NEB: variants seen among roughly 807,000 people sequenced by gnomAD.
NEB encodes the protein nemaline myopathy type 2.
In NEB, 512 loss-of-function variants were observed where a neutral mutation model predicts 952.2. The observed-to-expected ratio is 0.54, with a 90% confidence interval of 0.50 to 0.58. NEB has a LOEUF of 0.58. Among genes scored for constraint, NEB ranks in the 20% least tolerant of loss-of-function variants. The pLI is 0.00. For missense variants in NEB, 8,428 were observed against 9,231.1 expected (o/e 0.91, Z 3.56); for synonymous variants, 2,900 against 3,149.8 (o/e 0.92, Z 2.66).
At chr2:151,548,250 A>T in intron 131 of NEB, 58 bp downstream of exon 131, 1 of 1,386,234 alleles carries the variant, frequency 7.2e-7, no homozygotes, top group Non-Finnish European at 1.0e-6. Flanking sequence ...ATGCATTTCA[A>T]ACAAAGCCAT....
chr2:151,518,838 A>G, intron 155 of NEB, 127 bp downstream of exon 155: 1 of 647,660 alleles, frequency 1.5e-6, no homozygotes, highest in Non-Finnish European at 2.8e-6. Context: ...GAATACACTC[A>G]AATGAGAACA....
chr2:151,526,957 G>A lies in NEB; in HGVS notation c.21906C>T (p.Asn7302=), dbSNP rs757845188. 1.3e-5 allele frequency: 21 copies of A among 1,603,880 alleles called. No homozygotes were observed. In the Middle Eastern group the frequency reaches 8.2e-4, roughly 63 times the overall value. ...GCKLSVTDDK[N]TVLALRNTLI... is the part of the protein sequence containing the mutation. ...AAGTATTCCTGAGGGCGAGCACCGT[G>A]TTTTTGTCATCAGTGACAGAAAGCT... Residue 7302 remains asparagine, a synonymous_variant, in exon 148 of 182, where the codon AAC becomes AAT. Transcript: ENST00000397345.
At chr2:151,635,633 G>C (rs937927138) in intron 64 of NEB, among the ~76,000 whole-genome samples, 3 of 151,446 alleles carry the variant, frequency 2.0e-5, no homozygotes, top group African/African-American at 4.9e-5. Context: ...TTGACCCCAG[G>C]GGGCAGAGGT....
chr2:151,650,995 C>G, intron 52 of NEB, 110 bp from the exon 53 acceptor site: 1 of 1,119,762 alleles, frequency 8.9e-7, no homozygotes, highest in Non-Finnish European at 1.2e-6. Flanking sequence ...GTCTATGTTT[C>G]CCAGGCTGGT....
Position 151,655,335 on chromosome 2 carries a change from T to A in NEB, c.6742A>T (p.Ile2248Phe), listed in dbSNP as rs757306687. 6.2e-7 allele frequency: 1 copy of A among 1,602,088 alleles called. No individual in the cohort carries two copies. Among genetic ancestry groups the A allele is most frequent in the Non-Finnish European group, 8.5e-7 (1 of 1,171,834 alleles). ...TCTGGTGTATCAGGCATCACATGAA[T>A]CTTGGTCTTATCTTTATTCCAATCA... is the stretch of plus-strand genomic sequence containing the variant. ...TIDWNKDKTK[I>F]HVMPDTPDIL... The change falls in exon 51 of 182, where the codon ATT becomes TTT. Residue 2248 changes from isoleucine (I) to phenylalanine (F), a missense_variant. Transcript: ENST00000397345.
chr2:151,648,126 GCA>G (rs1228038465), intron 54 of NEB, among the ~76,000 whole-genome samples: 1 of 152,130 alleles, frequency 6.6e-6, no homozygotes, highest in Admixed American at 6.5e-5. Flanking sequence ...GTATATGTAT[GCA>G]CACACACATA....
In NEB at chr2:151,554,923, G is replaced by A. The variant is rs773614835; in HGVS notation, c.19428+8C>T. On this transcript the variant is annotated splice_region_variant and intron_variant, in intron 125 of 181. Transcript: ENST00000397345. ...CCTAGTCATTAAGGGGCGCATGACC[G>A]TACTTACATCGATGTTAAGCTTGCC... 4.5e-5 allele frequency: 71 copies of A among 1,586,476 alleles called. No individual in the cohort carries two copies. Among genetic ancestry groups the A allele is most frequent in the East Asian group, 2.9e-4 (13 of 44,740 alleles).
At position 151,486,651 on chromosome 2, in the gene NEB, G is replaced by A. The variant is rs185986903; in HGVS notation, c.25405-718C>T. 5.4e-4 allele frequency: 83 copies of A among 152,328 alleles called. 1 individual carries two copies. The highest frequency in any genetic ancestry group is 1.7e-3 in the African/African-American group (72 of 41,578). The allele number at this position is 152,328 out of a possible 1,614,324, so 9.4% of individuals were successfully genotyped here. A position where few individuals can be genotyped will look rare whatever the true frequency, so the allele number is the denominator to read the frequency against. On this transcript the variant is annotated intron_variant, in intron 181 of 181. Coordinates refer to ENST00000397345, the MANE Select transcript of NEB (RefSeq NM_001164508.2). ...AAGCAAGATCTGGTATATCCATACA[G>A]ATCTATTATTGGGTAGTAACAAGAA...
In NEB at chr2:151,733,118, T is replaced by TA; in HGVS notation, c.36+2dup. 2.5e-6 allele frequency: 4 copies of TA among 1,601,826 alleles called. No homozygotes were observed. Among genetic ancestry groups the TA allele is most frequent in the Non-Finnish European group, 3.4e-6 (4 of 1,174,288 alleles). On this transcript the variant is annotated splice_region_variant and intron_variant, in intron 3 of 181. Coordinates refer to ENST00000397345, the MANE Select transcript of NEB (RefSeq NM_001164508.2). ...CTGTCAGTGTTTTTTTTTTAAATCT[T>TA]ACCTCCACCACCTCCTCATAGTCTT... is the stretch of plus-strand genomic sequence containing the variant.
In NEB at chr2:151,502,860, T is replaced by C. The variant is rs1428123983; in HGVS notation, c.23861A>G (p.Lys7954Arg). The change falls in exon 167 of 182, where the codon AAA becomes AGA. Residue 7954 changes from lysine (K) to arginine (R), a missense_variant. Transcript: ENST00000397345. ...SSVLYKENLG[K>R]GIPTPITPEM... ...TGGAGTGATAGGTGTTGGGATTCCT[T>C]TCCCCAAATTTTCTTTGTACAAAAC... 11 of 1,603,902 alleles carry C rather than the reference T, an allele frequency of 6.9e-6. No homozygotes were observed. The highest frequency in any genetic ancestry group is 9.4e-6 in the Non-Finnish European group (11 of 1,174,844).
intron 46 of NEB, among the ~76,000 whole-genome samples, chr2:151,659,990 T>C (rs530140578): frequency 1.3e-5 from 2 of 152,310 alleles, no homozygotes; most frequent in East Asian, 3.9e-4. Context: ...GTGGTGGACA[T>C]GGAGATGTGC....
rs1358354729 is a variant in NEB, at chr2:151,562,104, G to A, written c.18996+6C>T. ...GAGAACCAGTCCTTCTAGGAAGGTG[G>A]CTCACCTGACTCTGAAGGTCGTATG... On this transcript the variant is annotated splice_donor_region_variant and intron_variant, in intron 121 of 181. Transcript: ENST00000397345. The A allele has an allele frequency of 1.9e-6, 3 of 1,610,258 alleles. No homozygotes were observed. The highest frequency in any genetic ancestry group is 1.7e-5 in the Admixed American group (1 of 59,996).
At chr2:151,668,417 T>C (rs960366034) in intron 39 of NEB, among the ~76,000 whole-genome samples, 3 of 152,134 alleles carry the variant, frequency 2.0e-5, no homozygotes, top group African/African-American at 4.8e-5. Context: ...AGCACAGGAA[T>C]GTATAGTTGG....
At chr2:151,722,929 T>C (rs890069641) in intron 9 of NEB, among the ~76,000 whole-genome samples, 1 of 152,314 alleles carries the variant, frequency 6.6e-6, no homozygotes, top group Middle Eastern at 3.4e-3. Flanking sequence ...ACTTGATGAT[T>C]AGAATAGTAA....
intron 24 of NEB, chr2:151,690,292 T>C (rs1226061190): frequency 5.3e-6 from 1 of 188,884 alleles, no homozygotes; most frequent in Admixed American, 5.7e-5. Flanking sequence ...CACCATTCTA[T>C]ATTAGTTTTC....
intron 163 of NEB, 97 bp from the exon 164 acceptor site, chr2:151,506,355 GAC>G (rs2068841125): frequency 2.3e-6 from 2 of 880,596 alleles, no homozygotes; most frequent in Non-Finnish European, 3.6e-6. Context: ...GTGAAAACAA[GAC>G]ACTAGACGAT....
chr2:151,726,886 C>A (rs1377780923), intron 5 of NEB, among the ~76,000 whole-genome samples: 1 of 148,452 alleles, frequency 6.7e-6, no homozygotes, highest in Non-Finnish European at 1.5e-5. Context: ...GGAGATCCTA[C>A]AATTTTTTTT....
At chr2:151,577,900 C>G (rs1361893518) in intron 105 of NEB, among the ~76,000 whole-genome samples, 1 of 152,130 alleles carries the variant, frequency 6.6e-6, no homozygotes, top group Admixed American at 6.6e-5. Flanking sequence ...TTTTCTTCTT[C>G]TTTATTCACC....
At chr2:151,558,166 CAA>C (rs1448658306) in intron 124 of NEB, among the ~76,000 whole-genome samples, 10 of 152,368 alleles carry the variant, frequency 6.6e-5, no homozygotes, top group Non-Finnish European at 7.3e-5. Flanking sequence ...GCAACTTCAG[CAA>C]AGTCTCAGAA....
Sources: allele counts gnomAD v4.1 joint callset (sites outside exome capture counted in the v4.1 genomes callset), GRCh38; gene constraint gnomAD v4.1.1; transcripts MANE v1.5; gene names NCBI Gene and HGNC (gene_info 2026-07-23, HGNC 2026-07-21).